The following KCTD8 variants were observed in gnomAD, a reference collection of about 807,000 sequenced individuals.
KCTD8 encodes BTB/POZ domain-containing protein KCTD8.
A neutral mutation model predicts 31.5 loss-of-function variants in KCTD8; 27 were observed. That is an observed-to-expected ratio of 0.86 (90% confidence interval 0.63 to 1.18). The LOEUF is 1.18. Ranked by LOEUF, KCTD8 falls within the 50% of genes most tolerant of loss-of-function variation. The probability of loss-of-function intolerance (pLI) is 0.00; values close to 1 mark genes in which losing one functional copy is unlikely to be tolerated. For missense variants in KCTD8, 658 were observed against 647.7 expected (o/e 1.02, Z -0.17); for synonymous variants, 290 against 280.0 (o/e 1.04, Z -0.36).
chr4:44,193,934 C>T (rs953730880), intron 1 of KCTD8, among the ~76,000 whole-genome samples: 1 of 151,976 alleles, frequency 6.6e-6, no homozygotes, highest in African/African-American at 2.4e-5. Context: ...AAATGTAAAT[C>T]CTACAGTAAA....
At chr4:44,410,470 GCAGA>G (rs1720927897) in intron 1 of KCTD8, among the ~76,000 whole-genome samples, 5 of 152,258 alleles carry the variant, frequency 3.3e-5, no homozygotes, top group South Asian at 2.1e-4. Context: ...GAAGATTGAA[GCAGA>G]CAAAGGTTAA....
intron 1 of KCTD8, among the ~76,000 whole-genome samples, chr4:44,385,498 T>C (rs777103348): frequency 3.3e-5 from 5 of 151,688 alleles, no homozygotes; most frequent in African/African-American, 4.8e-5. Context: ...TGTATATCTA[T>C]ATATAAAAGA....
chr4:44,318,893 G>A (rs771261482), intron 1 of KCTD8, among the ~76,000 whole-genome samples: 14 of 152,116 alleles, frequency 9.2e-5, no homozygotes, highest in South Asian at 8.3e-4. Flanking sequence ...AAGAGTGACA[G>A]GGAATACTTT....
intron 1 of KCTD8, among the ~76,000 whole-genome samples, chr4:44,242,606 A>C (rs1334305456): frequency 1.3e-5 from 2 of 151,766 alleles, no homozygotes; most frequent in African/African-American, 4.8e-5. Flanking sequence ...AAACAAACAA[A>C]ACAAAAAAAA....
intron 1 of KCTD8, among the ~76,000 whole-genome samples, chr4:44,351,499 T>C (rs1295814699): frequency 6.6e-6 from 1 of 152,106 alleles, no homozygotes; most frequent in Non-Finnish European, 1.5e-5. Context: ...TACAAAATTA[T>C]CTTTGTCATT....
intron 1 of KCTD8, among the ~76,000 whole-genome samples, chr4:44,442,523 G>T (rs1477696389): frequency 6.6e-6 from 1 of 152,046 alleles, no homozygotes; most frequent in African/African-American, 2.4e-5. Context: ...GGAGGCGGAG[G>T]TTGCAGTGAG....
chr4:44,352,296 T>C (rs1374765837), intron 1 of KCTD8, among the ~76,000 whole-genome samples: 2 of 152,092 alleles, frequency 1.3e-5, no homozygotes, highest in Non-Finnish European at 2.9e-5. Context: ...ATATATGTGA[T>C]GATGGTTAGC....
intron 1 of KCTD8, among the ~76,000 whole-genome samples, chr4:44,399,212 G>T (rs1178238675): frequency 6.6e-6 from 1 of 152,066 alleles, no homozygotes; most frequent in Admixed American, 6.6e-5. Context: ...TCCATTAGGC[G>T]AGAACAATTT....
intron 1 of KCTD8, among the ~76,000 whole-genome samples, chr4:44,310,058 G>A (rs1717908060): frequency 6.6e-6 from 1 of 151,956 alleles, no homozygotes; most frequent in Admixed American, 6.6e-5. Context: ...TTAAAACATG[G>A]GACCTGGTAT....
At chr4:44,238,255 T>G (rs141265767) in intron 1 of KCTD8, among the ~76,000 whole-genome samples, 14 of 152,154 alleles carry the variant, frequency 9.2e-5, no homozygotes, top group Non-Finnish European at 2.1e-4. Flanking sequence ...CTTTACTCCC[T>G]AAGGGAAGCT....
intron 1 of KCTD8, among the ~76,000 whole-genome samples, chr4:44,246,169 G>T (rs970183488): frequency 5.3e-5 from 8 of 151,926 alleles, no homozygotes; most frequent in African/African-American, 1.9e-4. Flanking sequence ...TTAGTTCAAA[G>T]TATCTAGAAA....
chr4:44,297,189 G>A (rs1717460163), intron 1 of KCTD8, among the ~76,000 whole-genome samples: 1 of 151,896 alleles, frequency 6.6e-6, no homozygotes, highest in Non-Finnish European at 1.5e-5. Context: ...ATAAGATAGG[G>A]AAAAAGTATT....
At chr4:44,433,307 G>A (rs1356225644) in intron 1 of KCTD8, among the ~76,000 whole-genome samples, 1 of 151,668 alleles carries the variant, frequency 6.6e-6, no homozygotes, top group African/African-American at 2.4e-5. Context: ...AGGAGCAGAT[G>A]ATCTAATCAG....
At chr4:44,380,523 A>T (rs1425060683) in intron 1 of KCTD8, among the ~76,000 whole-genome samples, 2 of 151,716 alleles carry the variant, frequency 1.3e-5, no homozygotes, top group Non-Finnish European at 2.9e-5. Context: ...GATGTGATCA[A>T]ATAATTTTAA....
At chr4:44,426,973 C>A (rs1247740822) in intron 1 of KCTD8, among the ~76,000 whole-genome samples, 1 of 151,384 alleles carries the variant, frequency 6.6e-6, no homozygotes, top group Non-Finnish European at 1.5e-5. Flanking sequence ...TAAGATTTAT[C>A]CAGATTTATA....
intron 1 of KCTD8, among the ~76,000 whole-genome samples, chr4:44,371,254 G>A (rs1719778651): frequency 6.6e-6 from 1 of 152,162 alleles, no homozygotes; most frequent in South Asian, 2.1e-4. Context: ...TGCTTTACCT[G>A]CTCAACCTTT....
At chr4:44,212,999 A>G (rs77298092) in intron 1 of KCTD8, among the ~76,000 whole-genome samples, 17,786 of 151,990 alleles carry the variant, frequency 0.12, 1,380 homozygotes, top group East Asian at 0.25. Flanking sequence ...GTGCAGTGGC[A>G]TGATCTCAGC....
chr4:44,359,372 A>C (rs539089161), intron 1 of KCTD8, among the ~76,000 whole-genome samples: 2 of 152,224 alleles, frequency 1.3e-5, no homozygotes, highest in African/African-American at 4.8e-5. Flanking sequence ...GAACAGTAGG[A>C]TGAAGTTTAT....
At position 44,448,235 on chromosome 4, in the gene KCTD8, A is replaced by G; in HGVS notation, c.289T>C (p.Phe97Leu). Reference protein sequence around the residue: ...GELPRDSRARFFIDRDGFLFR... With the variant: ...GELPRDSRARLFIDRDGFLFR... The stretch of plus-strand genomic sequence containing the variant: ...AGGAAGCCGTCCCGGTCGATGAAGA[A>G]GCGCGCCCGGCTGTCCCTGGGCAGC... Residue 97 changes from phenylalanine to leucine, a missense_variant, in exon 1 of 2, where the codon TTC becomes CTC. Physicochemically the swap from Phe to Leu is conservative, Grantham distance 22. Transcript: ENST00000360029. The surrounding 1 kb of genome is among the most constrained non-coding windows in gnomAD (Gnocchi z 4.1). The G allele has an allele frequency of 6.2e-7, 1 of 1,611,464 alleles. No individual in the cohort carries two copies. The highest frequency in any genetic ancestry group is 8.5e-7 in the Non-Finnish European group (1 of 1,179,350).
Sources: gnomAD v4.1 joint callset for allele counts (sites outside exome capture counted in the v4.1 genomes callset) on GRCh38, gnomAD v4.1.1 for gene constraint, Gnocchi (gnomAD v3.1) non-coding constraint, MANE v1.5 for transcripts, NCBI Gene and HGNC (gene_info 2026-07-23, HGNC 2026-07-21) for gene names.